The following FYB2 variants were observed in gnomAD, a reference collection of about 807,000 sequenced individuals.
FYB2 encodes FYN binding protein 2.
FYB2 carries 103 observed loss-of-function variants against 94.1 expected under a neutral mutation model. That is an observed-to-expected ratio of 1.09 (90% CI 0.93 to 1.29). The LOEUF is 1.29. Among genes scored for constraint, FYB2 ranks in the 50% most tolerant of loss-of-function variants. The probability of loss-of-function intolerance (pLI) is 0.00; values close to 1 mark genes in which losing one functional copy is unlikely to be tolerated. For missense variants in FYB2, 896 were observed against 841.5 expected, an observed-to-expected ratio of 1.06 and a Z score of -0.80; for synonymous variants, 293 against 287.9, an observed-to-expected ratio of 1.02 and a Z score of -0.18.
intron 15 of FYB2, among the ~76,000 whole-genome samples, chr1:56,735,120 G>C (rs920539981): frequency 1.3e-5 from 2 of 152,078 alleles, no homozygotes; most frequent in African/African-American, 4.8e-5. Context: ...TTAATCCAAA[G>C]GAAATGAAAT....
intron 1 of FYB2, among the ~76,000 whole-genome samples, chr1:56,806,874 T>G (rs144161699): frequency 1.9e-3 from 282 of 152,234 alleles, no homozygotes; most frequent in Middle Eastern, 0.014. Flanking sequence ...AGGTGCCAAG[T>G]TCAAAATATA....
At chr1:56,775,270 T>C (rs1003817169) in intron 4 of FYB2, among the ~76,000 whole-genome samples, 6 of 152,158 alleles carry the variant, frequency 3.9e-5, no homozygotes, top group Non-Finnish European at 7.3e-5. Flanking sequence ...GCACTAGGTA[T>C]TTCTTTTTTC....
intron 4 of FYB2, among the ~76,000 whole-genome samples, chr1:56,773,009 A>G (rs1645796263): frequency 1.3e-5 from 2 of 152,178 alleles, no homozygotes; most frequent in Non-Finnish European, 2.9e-5. Flanking sequence ...TAAAACGTTA[A>G]TGTTTCTTAG....
At chr1:56,805,677 A>G (rs999081041) in intron 1 of FYB2, among the ~76,000 whole-genome samples, 1 of 152,148 alleles carries the variant, frequency 6.6e-6, no homozygotes, top group African/African-American at 2.4e-5. Flanking sequence ...TGTGGGAGGT[A>G]CCCAGTGGGA....
intron 1 of FYB2, among the ~76,000 whole-genome samples, chr1:56,795,087 G>C (rs1026086028): frequency 1.2e-4 from 18 of 151,342 alleles, no homozygotes; most frequent in African/African-American, 4.4e-4. Flanking sequence ...TCACATTGTT[G>C]TGTAACCAAT....
At chr1:56,822,548 C>T (rs1175281657), upstream of FYB2, among the ~76,000 whole-genome samples, 1 of 152,206 alleles carries the variant, frequency 6.6e-6, no homozygotes, top group African/African-American at 2.4e-5. Context: ...AAAAAGGGCC[C>T]ATCCATTCTT....
chr1:56,724,094 G>C (rs1644540563), intron 16 of FYB2, among the ~76,000 whole-genome samples: 1 of 150,742 alleles, frequency 6.6e-6, no homozygotes, highest in Non-Finnish European at 1.5e-5. Context: ...ATTTATAAAT[G>C]TTCCCATTCA....
chr1:56,779,434 G>A (rs1477975374), intron 4 of FYB2, among the ~76,000 whole-genome samples: 2 of 152,098 alleles, frequency 1.3e-5, no homozygotes, highest in Non-Finnish European at 2.9e-5. Flanking sequence ...AAGGAAAGAG[G>A]ATCTCATGTG....
At chr1:56,796,877 ATCT>A (rs1646412745) in intron 1 of FYB2, among the ~76,000 whole-genome samples, 1 of 152,204 alleles carries the variant, frequency 6.6e-6, no homozygotes, top group Non-Finnish European at 1.5e-5. Context: ...AACTCGTGTC[ATCT>A]CAAAATATTT....
At chr1:56,777,090 C>T (rs1385668649) in intron 4 of FYB2, among the ~76,000 whole-genome samples, 1 of 43,690 alleles carries the variant, frequency 2.3e-5, no homozygotes, top group Non-Finnish European at 3.5e-5. Context: ...AAAAATTAGC[C>T]GGGCGTAGTG....
chr1:56,778,629 GA>G (rs1645937765), intron 4 of FYB2, among the ~76,000 whole-genome samples: 1 of 151,874 alleles, frequency 6.6e-6, no homozygotes, highest in Non-Finnish European at 1.5e-5. Flanking sequence ...TCATGGTCTA[GA>G]AAAACATAAA....
At chr1:56,791,595 C>T (rs1225581454) in intron 2 of FYB2, among the ~76,000 whole-genome samples, 2 of 152,122 alleles carry the variant, frequency 1.3e-5, no homozygotes, top group Non-Finnish European at 2.9e-5. Flanking sequence ...GAACCAAGAG[C>T]TTGGTGGCAA....
At chr1:56,721,858 C>T (rs905803793) in intron 17 of FYB2, among the ~76,000 whole-genome samples, 1 of 152,048 alleles carries the variant, frequency 6.6e-6, no homozygotes, top group Non-Finnish European at 1.5e-5. Flanking sequence ...TAATAACATA[C>T]TGTCTTATCA....
At position 56,723,606 on chromosome 1, in the gene FYB2, T is replaced by G; in HGVS notation, c.1956A>C (p.Leu652=). The G allele has an allele frequency of 6.4e-7, 1 of 1,550,540 alleles. No homozygotes were observed. The highest frequency in any genetic ancestry group is 1.1e-5 in the South Asian group (1 of 87,292). The change falls in exon 17 of 20, where the codon CTA becomes CTC. Residue 652 remains leucine (L), a synonymous_variant. Coordinates refer to ENST00000343433, the MANE Select transcript of FYB2 (RefSeq NM_001004303.5). ...AACGTACCTTAAACCTTTCTCTAAA[T>G]AGTTTTTCTTCTCTTTTCATTCTGT... The part of the protein sequence containing the change: ...EKNRMKREEK[L]FRERFKYDKE...
intron 4 of FYB2, among the ~76,000 whole-genome samples, chr1:56,785,040 C>A (rs770523081): frequency 6.6e-6 from 1 of 152,116 alleles, no homozygotes; most frequent in Non-Finnish European, 1.5e-5. Flanking sequence ...TTTAGTGAAA[C>A]CTCATTTCAG....
intron 11 of FYB2, among the ~76,000 whole-genome samples, chr1:56,742,633 A>G (rs542146109): frequency 2.0e-5 from 3 of 152,212 alleles, no homozygotes; most frequent in South Asian, 2.1e-4. Flanking sequence ...CCTTCACAGC[A>G]TGGCTTTGGC....
At chr1:56,808,003 A>T (rs1318969935) in intron 1 of FYB2, among the ~76,000 whole-genome samples, 1 of 152,150 alleles carries the variant, frequency 6.6e-6, no homozygotes, top group African/African-American at 2.4e-5. Context: ...TATTGCCATC[A>T]TTATTATTAC....
intron 5 of FYB2, among the ~76,000 whole-genome samples, chr1:56,763,731 AT>A (rs901370427): frequency 2.8e-4 from 42 of 150,968 alleles, no homozygotes; most frequent in Middle Eastern, 6.9e-3. Flanking sequence ...AATTTTATTG[AT>A]TTTTTTTCAA....
intron 9 of FYB2, among the ~76,000 whole-genome samples, chr1:56,748,170 C>T (rs890860061): frequency 1.7e-4 from 26 of 152,062 alleles, no homozygotes; most frequent in African/African-American, 6.3e-4. Flanking sequence ...GGATAGATTC[C>T]AAAAATTCCC....
Sources: gnomAD v4.1 joint callset for allele counts (sites outside exome capture counted in the v4.1 genomes callset) on GRCh38, gnomAD v4.1.1 for gene constraint, MANE v1.5 for transcripts, NCBI Gene and HGNC (gene_info 2026-07-23, HGNC 2026-07-21) for gene names.